Variants in DHRSX observed in about 807,000 individuals in gnomAD.
DHRSX encodes polyprenol dehydrogenase.
A neutral mutation model predicts 34.0 loss-of-function variants in DHRSX; 31 were observed. That is an observed-to-expected ratio of 0.91 (90% CI 0.69 to 1.23). The LOEUF is 1.23. Among genes scored for constraint, DHRSX ranks in the 50% most tolerant of loss-of-function variants. The pLI, the probability that DHRSX is intolerant of heterozygous loss-of-function variation, is 0.00. For synonymous variants in DHRSX, 201 were observed against 183.8 expected (o/e 1.09, Z -0.76); for missense variants, 414 against 428.1 (o/e 0.97, Z 0.29).
chrX:2,376,887 A>C (rs1187018963), intron 3 of DHRSX, among the ~76,000 whole-genome samples: 1 of 152,022 alleles, frequency 6.6e-6, no homozygotes, highest in Non-Finnish European at 1.5e-5. Flanking sequence ...CCAGCTACTC[A>C]GGAGGCTAAG....
intron 1 of DHRSX, among the ~76,000 whole-genome samples, chrX:2,430,351 C>G (rs2043903082): frequency 6.6e-6 from 1 of 151,958 alleles, no homozygotes; most frequent in South Asian, 2.1e-4. Flanking sequence ...CCTTACGGAC[C>G]AGGAAGCTGG....
intron 1 of DHRSX, among the ~76,000 whole-genome samples, chrX:2,454,253 G>A (rs1173028753): frequency 3.3e-5 from 5 of 152,074 alleles, no homozygotes; most frequent in Admixed American, 1.3e-4. Flanking sequence ...TGGGCCGGGC[G>A]CTGTGACTCA....
intron 3 of DHRSX, among the ~76,000 whole-genome samples, chrX:2,316,617 T>C (rs1364910224): frequency 1.3e-5 from 2 of 152,120 alleles, no homozygotes; most frequent in Admixed American, 1.3e-4. Context: ...TCAAGTTTAT[T>C]TGAAGAAGAA....
chrX:2,243,811 T>TG (rs1260142739), intron 5 of DHRSX, among the ~76,000 whole-genome samples: 21 of 124,924 alleles, frequency 1.7e-4, no homozygotes, highest in East Asian at 7.6e-4. Context: ...TTTTTTTTTT[T>TG]TTTTTTTTTT....
At chrX:2,371,903 ACT>A (rs1238382748) in intron 3 of DHRSX, among the ~76,000 whole-genome samples, 1 of 152,030 alleles carries the variant, frequency 6.6e-6, no homozygotes, top group African/African-American at 2.4e-5. Flanking sequence ...GCAGAGTAGC[ACT>A]CTCTGCAGGA....
intron 3 of DHRSX, among the ~76,000 whole-genome samples, chrX:2,325,182 T>C (rs1327333147): frequency 6.6e-6 from 1 of 152,244 alleles, no homozygotes; most frequent in Admixed American, 6.6e-5. Flanking sequence ...TACGGGTGAA[T>C]GTCGGGAGGA....
chrX:2,488,868 G>C, intron 1 of DHRSX: 1 of 1,613,196 alleles, frequency 6.2e-7, no homozygotes, highest in South Asian at 1.1e-5. Context: ...AGACGCTCAG[G>C]GGCGACGCGC....
intron 3 of DHRSX, among the ~76,000 whole-genome samples, chrX:2,394,397 C>T (rs193244921): frequency 1.4e-3 from 213 of 152,216 alleles, no homozygotes; most frequent in African/African-American, 4.6e-3. Flanking sequence ...CAGGTGAGGA[C>T]GAGGTTACAG....
At chrX:2,240,304 A>G (rs2016111795) in intron 6 of DHRSX, among the ~76,000 whole-genome samples, 1 of 150,562 alleles carries the variant, frequency 6.6e-6, no homozygotes, top group Non-Finnish European at 1.5e-5. Flanking sequence ...AAAAAAAAAG[A>G]AAAAGAAAAA....
chrX:2,482,794 G>A (rs5983089), intron 1 of DHRSX, among the ~76,000 whole-genome samples: 47,773 of 151,852 alleles, frequency 0.31, 8,267 homozygotes, highest in African/African-American at 0.45. Flanking sequence ...ATAGGAGTCC[G>A]GTGACCTCGA....
intron 5 of DHRSX, among the ~76,000 whole-genome samples, chrX:2,265,722 A>ACTCG (rs2041450509): frequency 1.5e-5 from 2 of 134,088 alleles, no homozygotes; most frequent in Non-Finnish European, 3.2e-5. Context: ...ACCAGTGTAT[A>ACTCG]GCAGATGCAG....
At chrX:2,486,618 A>C (rs960954434) in intron 1 of DHRSX, 9 of 152,216 alleles carry the variant, frequency 5.9e-5, no homozygotes, top group African/African-American at 2.2e-4. Flanking sequence ...TGGCAATGCT[A>C]CAGAATGGAG....
intron 3 of DHRSX, among the ~76,000 whole-genome samples, chrX:2,395,571 G>A (rs2043399359): frequency 6.6e-6 from 1 of 152,154 alleles, no homozygotes; most frequent in Non-Finnish European, 1.5e-5. Flanking sequence ...TCGGTGACCA[G>A]AGAGGACTGA....
intron 1 of DHRSX, among the ~76,000 whole-genome samples, chrX:2,493,460 A>G (rs2045208897): frequency 6.6e-6 from 1 of 151,552 alleles, no homozygotes; most frequent in African/African-American, 2.4e-5. Context: ...TCTATTTATT[A>G]TTATTATTAT....
intron 5 of DHRSX, 89 bp from the exon 6 acceptor site, chrX:2,243,319 G>T: frequency 8.4e-7 from 1 of 1,196,270 alleles, no homozygotes; most frequent in Non-Finnish European, 1.2e-6. Context: ...TGCGGCCACG[G>T]CCACGTCTAT....
intron 6 of DHRSX, among the ~76,000 whole-genome samples, chrX:2,236,520 C>T (rs1459296157): frequency 2.0e-5 from 3 of 152,142 alleles, no homozygotes; most frequent in Non-Finnish European, 4.4e-5. Flanking sequence ...CAACCTCCTG[C>T]TCCCGGGTTC....
intron 3 of DHRSX, among the ~76,000 whole-genome samples, chrX:2,350,603 C>T (rs1025625913): frequency 6.6e-6 from 1 of 152,032 alleles, no homozygotes; most frequent in Non-Finnish European, 1.5e-5. Flanking sequence ...AGATGCTGTT[C>T]CACAAGTATA....
intron 3 of DHRSX, among the ~76,000 whole-genome samples, chrX:2,325,368 G>A (rs2042370059): frequency 6.6e-6 from 1 of 151,950 alleles, no homozygotes; most frequent in East Asian, 1.9e-4. Flanking sequence ...TCAAGATGGC[G>A]GTTCCATCTT....
intron 1 of DHRSX, among the ~76,000 whole-genome samples, chrX:2,434,731 C>T (rs958621758): frequency 2.6e-5 from 4 of 152,140 alleles, no homozygotes; most frequent in African/African-American, 9.7e-5. Flanking sequence ...ATTCCACTTC[C>T]AAGAATTACT....
Sources: allele counts gnomAD v4.1 joint callset (sites outside exome capture counted in the v4.1 genomes callset), GRCh38; gene constraint gnomAD v4.1.1; transcripts MANE v1.5; gene names NCBI Gene and HGNC (gene_info 2026-07-23, HGNC 2026-07-21).